The following EIF2B3 variants were observed in gnomAD, a reference collection of about 807,000 sequenced individuals.
The protein encoded by EIF2B3 is eukaryotic translation initiation factor 2B subunit gamma, also known as translation initiation factor eIF2B subunit gamma.
In EIF2B3, 20 loss-of-function variants were observed where a neutral mutation model predicts 54.1. The observed-to-expected ratio is 0.37, with a 90% CI of 0.26 to 0.54. The LOEUF is 0.54. Ranked by LOEUF, EIF2B3 falls within the 20% of genes least tolerant of loss-of-function variation. EIF2B3 has a pLI of 0.86. For synonymous variants in EIF2B3, 153 were observed against 188.1 expected (o/e 0.81, Z 1.52); for missense variants, 448 against 547.8 (o/e 0.82, Z 1.82).
chr1:44,887,590 G>A (rs1655635408), intron 6 of EIF2B3, among the ~76,000 whole-genome samples: 1 of 152,146 alleles, frequency 6.6e-6, no homozygotes, highest in African/African-American at 2.4e-5. Context: ...GACTCATCTA[G>A]GGATGCTTAC....
intron 4 of EIF2B3, among the ~76,000 whole-genome samples, chr1:44,934,796 G>A (rs566982538): frequency 1.5e-4 from 23 of 151,986 alleles, no homozygotes; most frequent in Non-Finnish European, 1.9e-4. Flanking sequence ...TGTGCCACAC[G>A]CCTGGCCCAC....
intron 3 of EIF2B3, among the ~76,000 whole-genome samples, chr1:44,964,125 C>A: frequency 8.8e-6 from 1 of 114,032 alleles, no homozygotes; most frequent in East Asian, 2.6e-4. Flanking sequence ...ATTGAGATTT[C>A]TTGGCCAAAA....
At position 44,935,371 on chromosome 1, in the gene EIF2B3, AATT is replaced by A. The variant is rs34020149; in HGVS notation, c.454+6132_454+6134del. 6.8e-3 allele frequency among the ~76,000 whole-genome samples: 1,033 copies of A among 152,314 alleles called. 12 individuals carry two copies. The highest frequency in any genetic ancestry group is 0.024 in the African/African-American group (981 of 41,568). On this transcript the variant is annotated intron_variant, in intron 4 of 11. Coordinates refer to ENST00000360403, the MANE Select transcript of EIF2B3 (RefSeq NM_020365.5). ...AGTTTCTAACAAGGGATGGAAAACA[AATT>A]ATTTTTACATATTATTGCAAGTTTA...
At chr1:44,904,563 G>C (rs1171309975) in intron 5 of EIF2B3, among the ~76,000 whole-genome samples, 2 of 152,082 alleles carry the variant, frequency 1.3e-5, no homozygotes, top group African/African-American at 4.8e-5. Flanking sequence ...GCCCAGGCTG[G>C]AGTGCAGTGG....
chr1:44,897,537 A>G, intron 5 of EIF2B3, 93 bp from the exon 6 acceptor site: 1 of 1,037,488 alleles, frequency 9.6e-7, no homozygotes, highest in South Asian at 1.4e-5. Context: ...GGCACTGGTA[A>G]GTTTATGAGG....
intron 4 of EIF2B3, among the ~76,000 whole-genome samples, chr1:44,927,693 A>G (rs1172263857): frequency 6.6e-6 from 1 of 152,194 alleles, no homozygotes; most frequent in East Asian, 1.9e-4. Context: ...TATGGTACCA[A>G]TGTAATTTCC....
chr1:44,964,990 G>C (rs1281865556), intron 3 of EIF2B3, among the ~76,000 whole-genome samples: 3 of 152,146 alleles, frequency 2.0e-5, no homozygotes, highest in Non-Finnish European at 2.9e-5. Flanking sequence ...CAGATAGTTA[G>C]AGCAACAGCT....
chr1:44,970,277 G>A (rs1237795475), intron 3 of EIF2B3, among the ~76,000 whole-genome samples: 1 of 151,962 alleles, frequency 6.6e-6, no homozygotes, highest in African/African-American at 2.4e-5. Context: ...TAAGGTAAAG[G>A]AAAAACATTA....
intron 3 of EIF2B3, among the ~76,000 whole-genome samples, chr1:44,946,223 G>A (rs1042678716): frequency 1.3e-5 from 2 of 152,150 alleles, no homozygotes; most frequent in Admixed American, 6.5e-5. Flanking sequence ...AAAGAACAGG[G>A]CCTAGCATAC....
chr1:44,938,073 A>G lies in EIF2B3; in HGVS notation c.454+3433T>C, dbSNP rs573825384. Among the ~76,000 whole-genome samples, 6 of 152,188 alleles carry G rather than the reference A, an allele frequency of 3.9e-5. 1 individual carries two copies. The highest frequency in any genetic ancestry group is 2.1e-4 in the South Asian group (1 of 4,822). On this transcript the variant is annotated intron_variant, in intron 4 of 11. Coordinates refer to ENST00000360403, the MANE Select transcript of EIF2B3 (RefSeq NM_020365.5). ...ACATCCAGAGATTAGCCATTCCCCT[A>G]TAAGTCAGTAAGAACGCCATTTGAG... is the stretch of plus-strand genomic sequence containing the variant.
At chr1:44,918,394 CTT>C (rs919422208) in intron 5 of EIF2B3, among the ~76,000 whole-genome samples, 3 of 141,106 alleles carry the variant, frequency 2.1e-5, no homozygotes, top group Non-Finnish European at 3.1e-5. Context: ...AGCATAGTAG[CTT>C]TTTTTTTTTT....
chr1:44,897,737 CTTT>C (rs36113373), intron 5 of EIF2B3, among the ~76,000 whole-genome samples: 5 of 134,440 alleles, frequency 3.7e-5, no homozygotes, highest in Non-Finnish European at 1.6e-5. Context: ...TGATCGTTAA[CTTT>C]TTTTTTTTTT....
intron 6 of EIF2B3, among the ~76,000 whole-genome samples, chr1:44,894,559 CAAAT>C (rs1440441031): frequency 6.6e-6 from 1 of 152,070 alleles, no homozygotes; most frequent in East Asian, 1.9e-4. Flanking sequence ...AACATGTAAA[CAAAT>C]AACAAAACCT....
intron 10 of EIF2B3, among the ~76,000 whole-genome samples, chr1:44,862,196 A>C (rs1654628592): frequency 6.6e-6 from 1 of 151,992 alleles, no homozygotes; most frequent in Admixed American, 6.6e-5. Flanking sequence ...CCTAGTTTTA[A>C]CTCTCAGGTT....
At chr1:44,888,501 C>T (rs112326370) in intron 6 of EIF2B3, among the ~76,000 whole-genome samples, 2 of 149,552 alleles carry the variant, frequency 1.3e-5, no homozygotes, top group Admixed American at 6.7e-5. Flanking sequence ...CTCTCTCTCT[C>T]TGTGCAAATT....
intron 3 of EIF2B3, among the ~76,000 whole-genome samples, chr1:44,972,231 A>G (rs1644405837): frequency 7.7e-6 from 1 of 129,668 alleles, no homozygotes; most frequent in Non-Finnish European, 1.7e-5. Context: ...CTAAAAAAAA[A>G]TACACACACA....
At chr1:44,959,368 C>T (rs1644261331) in intron 3 of EIF2B3, 2 of 557,462 alleles carry the variant, frequency 3.6e-6, no homozygotes, top group Admixed American at 2.5e-5. Context: ...CAATTTCTAG[C>T]AGGGCCTTCA....
rs552443958 is a variant in EIF2B3, at chr1:44,952,449, C to G, written c.295-10784G>C. Among the ~76,000 whole-genome samples the G allele has an allele frequency of 5.3e-5, 8 of 152,112 alleles. No individual in the cohort carries two copies. In the East Asian group the frequency reaches 1.5e-3, roughly 29 times the overall value. ...TACATCTTATTTCAATAAGAAAATA[C>G]AAGCAATTAGAAGCAGCAAACATCT... On this transcript the variant is annotated intron_variant, in intron 3 of 11. Transcript: ENST00000360403.
At chr1:44,895,001 T>C (rs1655919492) in intron 6 of EIF2B3, among the ~76,000 whole-genome samples, 1 of 152,202 alleles carries the variant, frequency 6.6e-6, no homozygotes, top group Non-Finnish European at 1.5e-5. Flanking sequence ...GTCCCTCAAG[T>C]AACATTCTAA....
Sources: gnomAD v4.1 joint callset for allele counts (sites outside exome capture counted in the v4.1 genomes callset) on GRCh38, gnomAD v4.1.1 for gene constraint, MANE v1.5 for transcripts, NCBI Gene and HGNC (gene_info 2026-07-23, HGNC 2026-07-21) for gene names.